Variants in EGR4 observed in about 807,000 individuals in gnomAD.
EGR4 encodes early growth response 4, also known as early growth response protein 4.
A neutral mutation model predicts 25.4 loss-of-function variants in EGR4; 22 were observed. That is an observed-to-expected ratio of 0.87 (90% CI 0.62 to 1.24). The LOEUF (loss-of-function observed/expected upper bound fraction) is 1.24, where lower values mean the gene tolerates loss of function less well. Among genes scored for constraint, EGR4 ranks in the 50% most tolerant of loss-of-function variants. The pLI is 0.00. For synonymous variants in EGR4, 375 were observed against 320.1 expected, an observed-to-expected ratio of 1.17 and a Z score of -1.83; for missense variants, 742 against 702.9, an observed-to-expected ratio of 1.06 and a Z score of -0.63.
In EGR4 at chr2:73,293,274, A is replaced by G. The variant is rs1247638902; in HGVS notation, c.44T>C (p.Val15Ala). Residue 15 changes from valine (V) to alanine (A), a missense_variant, in exon 1 of 2, where the codon GTC becomes GCC. Transcript: ENST00000436467. ...SEFSEPDALL[V>A]KSTEGCCAEP... The stretch of plus-strand genomic sequence containing the variant: ...GGCGCAACAGCCTTCAGTGGACTTG[A>G]CGAGGAGCGCGTCGGGTTCGGAAAA... 1 of 1,588,120 alleles carries G rather than the reference A, an allele frequency of 6.3e-7. No homozygotes were observed. Among genetic ancestry groups the G allele is most frequent in the South Asian group, 1.2e-5 (1 of 86,152 alleles).
chr2:73,291,821 C>A lies in EGR4; in HGVS notation c.1097G>T (p.Cys366Phe). The A allele has an allele frequency of 1.3e-6, 2 of 1,587,970 alleles. No individual in the cohort carries two copies. Among genetic ancestry groups the A allele is most frequent in the Non-Finnish European group, 1.7e-6 (2 of 1,172,582 alleles). ...ARRKGRRGGKCSTRCFCPRPH... is the reference protein window; with the variant it reads ...ARRKGRRGGKFSTRCFCPRPH... ...CCGCGGGCAGAAGCAGCGCGTGCTG[C>A]ATTTGCCGCCGCGGCGCCCCTTGCG... Residue 366 changes from cysteine (C) to phenylalanine (F), a missense_variant, in exon 2 of 2, where the codon TGC becomes TTC. Physicochemically the swap from Cys to Phe is radical, Grantham distance 205. Transcript: ENST00000436467.
chr2:73,291,411 G>A lies in EGR4; in HGVS notation c.*46C>T, dbSNP rs775177899. 2.6e-6 allele frequency: 4 copies of A among 1,530,306 alleles called. No individual in the cohort carries two copies. The highest frequency in any genetic ancestry group is 3.5e-6 in the Non-Finnish European group (4 of 1,140,586). 94.8% of individuals were successfully genotyped at this position (1,530,306 alleles called of 1,614,324 possible). The stretch of plus-strand genomic sequence containing the variant: ...CGGGGAGGGGAACGGCCCGGAACTC[G>A]TGCGCGCCGAACGGCGGCGCCCCAA... On this transcript the variant is annotated 3_prime_UTR_variant, in exon 2 of 2. Transcript: ENST00000436467.
In EGR4 at chr2:73,293,243, G is replaced by A. The variant is rs1689146889; in HGVS notation, c.75C>T (p.Pro25=). Reference sequence around the variant, plus strand: ...CAGGCAGCCGGGGCAATTCAGCGCTGGGTTCGGCGCAACAGCCTTCAGTGG... The same window carrying A: ...CAGGCAGCCGGGGCAATTCAGCGCTAGGTTCGGCGCAACAGCCTTCAGTGG... ...VKSTEGCCAE[P]SAELPRLPAR... The change falls in exon 1 of 2, where the codon CCC becomes CCT. Residue 25 remains proline (P), a synonymous_variant. Coordinates refer to ENST00000436467, the MANE Select transcript of EGR4 (RefSeq NM_001965.4). The A allele has an allele frequency of 6.3e-7, 1 of 1,575,864 alleles. No individual in the cohort carries two copies. The highest frequency in any genetic ancestry group is 1.2e-5 in the South Asian group (1 of 84,750).
At position 73,291,593 on chromosome 2, in the gene EGR4, AC is replaced by A; in HGVS notation, c.1324del (p.Val442CysfsTer130). 1 of 1,613,112 alleles carries A rather than the reference AC, an allele frequency of 6.2e-7. No homozygotes were observed. The highest frequency in any genetic ancestry group is 8.5e-7 in the Non-Finnish European group (1 of 1,179,876). The part of the protein sequence containing the change: ...HTGEKPFACD[V>X]CGRRFARSDE... ...GCTGCGCGCGAAGCGGCGGCCGCAC[AC>A]GTCGCAAGCAAAAGGCTTCTCGCCG... On this transcript the variant is annotated frameshift_variant, in exon 2 of 2. Transcript: ENST00000436467. LOFTEE classifies it high-confidence loss of function.
Position 73,291,397 on chromosome 2 carries a change from A to G in EGR4, c.*60T>C. On this transcript the variant is annotated 3_prime_UTR_variant, in exon 2 of 2. Coordinates refer to ENST00000436467, the MANE Select transcript of EGR4 (RefSeq NM_001965.4). ...AGTTGGAAGAAGAGCGGGGAGGGGAACGGCCCGGAACTCGTGCGCGCCGAA... is the reference window on the plus strand; with the variant it reads ...AGTTGGAAGAAGAGCGGGGAGGGGAGCGGCCCGGAACTCGTGCGCGCCGAA... The G allele has an allele frequency of 6.6e-7, 1 of 1,516,958 alleles. No homozygotes were observed. The highest frequency in any genetic ancestry group is 8.8e-7 in the Non-Finnish European group (1 of 1,134,422). The allele number at this position is 1,516,958 out of a possible 1,614,324, so 94.0% of individuals were successfully genotyped here. A position where few individuals can be genotyped will look rare whatever the true frequency, so the allele number is the denominator to read the frequency against.
intron 1 of EGR4, 139 bp from the exon 2 acceptor site, chr2:73,292,920 A>G: frequency 9.1e-7 from 1 of 1,101,844 alleles, no homozygotes; most frequent in Non-Finnish European, 1.2e-6. Context: ...GGGCCCGCAT[A>G]CGTCCCAAGG....
chr2:73,292,136 TAG>T lies in EGR4; in HGVS notation c.780_781del (p.Tyr261SerfsTer6), dbSNP rs1395932742. 4 of 1,595,230 alleles carry T rather than the reference TAG, an allele frequency of 2.5e-6. No individual in the cohort carries two copies. Among genetic ancestry groups the T allele is most frequent in the African/African-American group, 1.3e-5 (1 of 74,494 alleles). ...GAAAGCGTCATAGGCCCCGCTGGGA[TAG>T]AGTCTGTTGGCTGGGACGGCCGGCA... On this transcript the variant is annotated frameshift_variant, in exon 2 of 2. Transcript: ENST00000436467. LOFTEE classifies it high-confidence loss of function.
rs756827237 is a variant in EGR4, at chr2:73,291,843, T to C, written c.1075A>G (p.Lys359Glu). 1.3e-6 allele frequency: 2 copies of C among 1,580,300 alleles called. No individual in the cohort carries two copies. The highest frequency in any genetic ancestry group is 1.1e-5 in the South Asian group (1 of 87,828). The change falls in exon 2 of 2, where the codon AAG becomes GAG. Residue 359 changes from lysine to glutamate, a missense_variant. Lys to Glu is a moderately conservative substitution (Grantham distance 56, BLOSUM62 1). Transcript: ENST00000436467. Reference protein sequence around the residue: ...TPFPQAKARRKGRRGGKCSTR... With the variant: ...TPFPQAKARREGRRGGKCSTR... ...CTGCATTTGCCGCCGCGGCGCCCCT[T>C]GCGTCGCGCCTTGGCCTGGGGGAAA...
chr2:73,291,559 C>T lies in EGR4; in HGVS notation c.1359G>A (p.Lys453=), dbSNP rs768277545. 19 of 1,613,566 alleles carry T rather than the reference C, an allele frequency of 1.2e-5. No homozygotes were observed. The highest frequency in any genetic ancestry group is 6.7e-5 in the East Asian group (3 of 44,856). ...CGRRFARSDE[K]KRHSKVHLKQ... ...TGAGGTGCACCTTGCTGTGCCGTTT[C>T]TTCTCATCGCTGCGCGCGAAGCGGC... The change falls in exon 2 of 2, where the codon AAG becomes AAA. Residue 453 remains lysine, a synonymous_variant. Coordinates refer to ENST00000436467, the MANE Select transcript of EGR4 (RefSeq NM_001965.4).
In EGR4 at chr2:73,291,616, G is replaced by A; in HGVS notation, c.1302C>T (p.Gly434=). ...ACACGTCGCAAGCAAAAGGCTTCTC[G>A]CCGGTGTGGGTGCGCACGTGCGTGG... ...HLTTHVRTHT[G]EKPFACDVCG... is the part of the protein sequence containing the mutation. The change falls in exon 2 of 2, where the codon GGC becomes GGT. Residue 434 remains glycine (G), a synonymous_variant. Transcript: ENST00000436467. The A allele has an allele frequency of 6.2e-7, 1 of 1,613,058 alleles. No homozygotes were observed. Among genetic ancestry groups the A allele is most frequent in the Non-Finnish European group, 8.5e-7 (1 of 1,179,918 alleles).
Position 73,291,219 on chromosome 2 carries a change from A to G in EGR4, c.*238T>C, listed in dbSNP as rs976288525. On this transcript the variant is annotated 3_prime_UTR_variant, in exon 2 of 2. Transcript: ENST00000436467. Reference sequence around the variant, plus strand: ...TAGTGCCTATTCACTGGGTGGTCTCAGAAGACTTCCCCCAAAGCGCGGCTG... The same window carrying G: ...TAGTGCCTATTCACTGGGTGGTCTCGGAAGACTTCCCCCAAAGCGCGGCTG... The G allele has an allele frequency of 6.9e-6, 4 of 580,536 alleles. No homozygotes were observed. In the Admixed American group the frequency reaches 1.4e-4, roughly 20 times the overall value. 36.0% of individuals were successfully genotyped at this position (580,536 alleles called of 1,614,324 possible). A position where few individuals can be genotyped will look rare whatever the true frequency, so the allele number is the denominator to read the frequency against.
rs775963968 is a variant in EGR4 at position 73,291,695 on chromosome 2, T to G, written c.1223A>C (p.Lys408Thr). Residue 408 changes from lysine (K) to threonine (T), a missense_variant, in exon 2 of 2, where the codon AAA becomes ACA. Lys to Thr is a moderately conservative substitution (Grantham distance 78). Transcript: ENST00000436467. ...NRHLRIHTGH[K>T]PFQCRICLRN... ...GAGGCAGATGCGGCACTGGAAGGGT[T>G]TGTGGCCCGTGTGGATGCGCAGGTG... The G allele has an allele frequency of 6.2e-7, 1 of 1,608,446 alleles. No homozygotes were observed. Among genetic ancestry groups the G allele is most frequent in the Admixed American group, 1.7e-5 (1 of 60,024 alleles).
In EGR4 at chr2:73,291,749, C is replaced by G; in HGVS notation, c.1169G>C (p.Ser390Thr). ...FACPVESCVR[S>T]FARSDELNRH... ...ATTGAGCTCGTCGGAGCGCGCAAAG[C>G]TCCGCACACAACTCTCCACCGGGCA... Residue 390 changes from serine (S) to threonine (T), a missense_variant, in exon 2 of 2, where the codon AGC becomes ACC. Ser to Thr is a moderately conservative substitution (Grantham distance 58). Transcript: ENST00000436467. 6.2e-7 allele frequency: 1 copy of G among 1,602,496 alleles called. No individual in the cohort carries two copies. The highest frequency in any genetic ancestry group is 8.5e-7 in the Non-Finnish European group (1 of 1,179,748).
Position 73,292,546 on chromosome 2 carries a change from G to A in EGR4, c.372C>T (p.Ser124=). The A allele has an allele frequency of 1.3e-6, 2 of 1,508,992 alleles. No homozygotes were observed. The highest frequency in any genetic ancestry group is 1.4e-5 in the African/African-American group (1 of 71,480). 93.5% of individuals were successfully genotyped at this position (1,508,992 alleles called of 1,614,324 possible). ...FPGPEAAASR[S]PLDAPFPAGS... ...CCGCAGGAAAAGGGGCATCCAGCGG[G>A]GATCTGGACGCTGCTGCCTCTGGAC... Residue 124 remains serine, a synonymous_variant, in exon 2 of 2, where the codon TCC becomes TCT. Coordinates refer to ENST00000436467, the MANE Select transcript of EGR4 (RefSeq NM_001965.4).
Position 73,292,042 on chromosome 2 carries a change from C to T in EGR4, c.876G>A (p.Gly292=), listed in dbSNP as rs750266619. 4.4e-6 allele frequency: 7 copies of T among 1,606,826 alleles called. No homozygotes were observed. The highest frequency in any genetic ancestry group is 3.4e-5 in the Admixed American group (2 of 59,242). ...GLPGLLTPPS[G]EGGSSGDGGE... is the part of the protein sequence containing the mutation. ...CGCCGTCGCCGCTACTCCCTCCCTC[C>T]CCACTAGGAGGGGTCAGGAGCCCAG... The change falls in exon 2 of 2, where the codon GGG becomes GGA. Residue 292 remains glycine (G), a synonymous_variant. Coordinates refer to ENST00000436467, the MANE Select transcript of EGR4 (RefSeq NM_001965.4).
Position 73,292,480 on chromosome 2 carries a change from G to A in EGR4, c.438C>T (p.Ser146=). 3 of 1,517,196 alleles carry A rather than the reference G, an allele frequency of 2.0e-6. No individual in the cohort carries two copies. Among genetic ancestry groups the A allele is most frequent in the Non-Finnish European group, 2.6e-6 (3 of 1,136,412 alleles). The allele number at this position is 1,517,196 out of a possible 1,614,324, so 94.0% of individuals were successfully genotyped here. Residue 146 remains serine, a synonymous_variant, in exon 2 of 2, where the codon TCC becomes TCT. Transcript: ENST00000436467. ...ALLPGPPDLY[S]PDLGAAPFPE... Reference sequence around the variant, plus strand: ...GGAAAGGGGCAGCGCCCAGATCCGGGGAGTAAAGGTCCGGCGGACCCGGCA... The same window carrying A: ...GGAAAGGGGCAGCGCCCAGATCCGGAGAGTAAAGGTCCGGCGGACCCGGCA...
chr2:73,292,858 T>G, intron 1 of EGR4, 77 bp from the exon 2 acceptor site: 2 of 1,328,634 alleles, frequency 1.5e-6, no homozygotes, highest in African/African-American at 1.5e-5. Flanking sequence ...TACAAAACTC[T>G]TGGTGCCCAC....
intron 1 of EGR4, 45 bp from the exon 2 acceptor site, chr2:73,292,826 A>C (rs1007023132): frequency 1.7e-5 from 23 of 1,375,228 alleles, no homozygotes; most frequent in Non-Finnish European, 2.1e-5. Context: ...CAAAGGGTGC[A>C]CCTGAGTCCA....
Position 73,291,405 on chromosome 2 carries a change from G to T in EGR4, c.*52C>A. 6.5e-7 allele frequency: 1 copy of T among 1,527,266 alleles called. No individual in the cohort carries two copies. Among genetic ancestry groups the T allele is most frequent in the East Asian group, 2.3e-5 (1 of 43,932 alleles). 94.6% of individuals were successfully genotyped at this position (1,527,266 alleles called of 1,614,324 possible). A position where few individuals can be genotyped will look rare whatever the true frequency, so the allele number is the denominator to read the frequency against. ...GAAGAGCGGGGAGGGGAACGGCCCG[G>T]AACTCGTGCGCGCCGAACGGCGGCG... is the stretch of plus-strand genomic sequence containing the variant. On this transcript the variant is annotated 3_prime_UTR_variant, in exon 2 of 2. Transcript: ENST00000436467.
Sources: allele counts gnomAD v4.1 joint callset, GRCh38; gene constraint gnomAD v4.1.1; transcripts MANE v1.5; gene names NCBI Gene and HGNC (gene_info 2026-07-23, HGNC 2026-07-21).